Variants in LOC128706666 observed in about 807,000 individuals in gnomAD.
the LOC128706666 span, among the ~76,000 whole-genome samples, chr20:10,430,356 G>A: frequency 6.6e-6 from 1 of 152,198 alleles, no homozygotes; most frequent in East Asian, 1.9e-4. Context: ...GTTCCATTGT[G>A]TGTACAATGT....
chr20:10,433,100 C>T, the LOC128706666 span, among the ~76,000 whole-genome samples: 21 of 152,336 alleles, frequency 1.4e-4, no homozygotes, highest in African/African-American at 5.0e-4. Context: ...GCCTCCAGGG[C>T]TCAAGCGATT....
the LOC128706666 span, among the ~76,000 whole-genome samples, chr20:10,433,324 C>T: frequency 5.3e-5 from 8 of 152,142 alleles, no homozygotes; most frequent in Non-Finnish European, 8.8e-5. Flanking sequence ...ATTTTCTATC[C>T]GCAGTTGGTT....
chr20:10,426,591 G>A, the LOC128706666 span, among the ~76,000 whole-genome samples: 1 of 152,174 alleles, frequency 6.6e-6, no homozygotes, highest in Non-Finnish European at 1.5e-5. Context: ...TAGAGACGGG[G>A]TTTCACCATG....
chr20:10,429,006 T>G, the LOC128706666 span, among the ~76,000 whole-genome samples: 1 of 152,186 alleles, frequency 6.6e-6, no homozygotes, highest in South Asian at 2.1e-4. Context: ...CTTTCTCTTT[T>G]GCATAACTAT....
At chr20:10,417,859 G>A in the LOC128706666 span, among the ~76,000 whole-genome samples, 1 of 152,088 alleles carries the variant, frequency 6.6e-6, no homozygotes, top group Non-Finnish European at 1.5e-5. Flanking sequence ...GAGAGAAAGA[G>A]GAAATTGTTA....
the LOC128706666 span, among the ~76,000 whole-genome samples, chr20:10,430,098 T>C: frequency 6.6e-6 from 1 of 152,234 alleles, no homozygotes; most frequent in Non-Finnish European, 1.5e-5. Flanking sequence ...AAGCCTTTAG[T>C]GACATTTTTG....
At chr20:10,418,507 G>A in the LOC128706666 span, among the ~76,000 whole-genome samples, 3 of 151,956 alleles carry the variant, frequency 2.0e-5, no homozygotes, top group Admixed American at 6.6e-5. Context: ...CTCTAAATCC[G>A]GCTCTAACTT....
the LOC128706666 span, among the ~76,000 whole-genome samples, chr20:10,428,085 T>C: frequency 6.6e-6 from 1 of 152,182 alleles, no homozygotes; most frequent in Non-Finnish European, 1.5e-5. Context: ...TATATGGGGG[T>C]TTCACTAATT....
chr20:10,416,106 G>A, the LOC128706666 span, among the ~76,000 whole-genome samples: 1 of 152,206 alleles, frequency 6.6e-6, no homozygotes, highest in South Asian at 2.1e-4. Flanking sequence ...GTTACCATTA[G>A]ACGAATGGTC....
chr20:10,433,380 C>T, the LOC128706666 span, among the ~76,000 whole-genome samples: 1 of 152,222 alleles, frequency 6.6e-6, no homozygotes, highest in Non-Finnish European at 1.5e-5. Flanking sequence ...TATTGTTTCT[C>T]CCCCATCACT....
chr20:10,415,664 A>G, the LOC128706666 span, among the ~76,000 whole-genome samples: 2 of 152,252 alleles, frequency 1.3e-5, no homozygotes, highest in African/African-American at 4.8e-5. Context: ...AGTGACTTCT[A>G]TATGTTAATT....
chr20:10,415,907 ATTTT>A, the LOC128706666 span, among the ~76,000 whole-genome samples: 1 of 152,094 alleles, frequency 6.6e-6, no homozygotes, highest in South Asian at 2.1e-4. Flanking sequence ...CTCCCAAATC[ATTTT>A]AAAGATGCCA....
the LOC128706666 span, chr20:10,431,948 C>CAT: frequency 0.41 from 62,748 of 151,918 alleles, 13,356 homozygotes; most frequent in Non-Finnish European, 0.44. Flanking sequence ...TTCTCTAGCA[C>CAT]GTGATTCCTT....
the LOC128706666 span, among the ~76,000 whole-genome samples, chr20:10,433,321 A>G: frequency 6.6e-6 from 1 of 152,154 alleles, no homozygotes; most frequent in East Asian, 1.9e-4. Context: ...AATATTTTCT[A>G]TCCGCAGTTG....
chr20:10,429,658 T>A, the LOC128706666 span, among the ~76,000 whole-genome samples: 1 of 152,194 alleles, frequency 6.6e-6, no homozygotes, highest in African/African-American at 2.4e-5. Flanking sequence ...TCTGCCCTTT[T>A]CCTCATGCTC....
chr20:10,428,214 C>CAA, the LOC128706666 span, among the ~76,000 whole-genome samples: 1 of 152,186 alleles, frequency 6.6e-6, no homozygotes, highest in Admixed American at 6.5e-5. Flanking sequence ...GTCTGAGAAT[C>CAA]CTGTCCCCTT....
At chr20:10,414,960 A>T in the LOC128706666 span, among the ~76,000 whole-genome samples, 1 of 152,188 alleles carries the variant, frequency 6.6e-6, no homozygotes, top group Non-Finnish European at 1.5e-5. Flanking sequence ...AAACCAAGGG[A>T]TATGCTGGAT....
At chr20:10,424,873 G>A in the LOC128706666 span, among the ~76,000 whole-genome samples, 1 of 151,994 alleles carries the variant, frequency 6.6e-6, no homozygotes, top group Non-Finnish European at 1.5e-5. Context: ...CCAACATGGT[G>A]AAACCCTGTC....
chr20:10,422,283 A>G, the LOC128706666 span, among the ~76,000 whole-genome samples: 4 of 152,146 alleles, frequency 2.6e-5, no homozygotes. Flanking sequence ...AAAGTATTTT[A>G]TGGCCTTTTC....
Sources: gnomAD v4.1 joint callset for allele counts (sites outside exome capture counted in the v4.1 genomes callset) on GRCh38, gnomAD v4.1.1 for gene constraint, MANE v1.5 for transcripts.